The following CHRM2 variants were observed in gnomAD, a reference collection of about 807,000 sequenced individuals.
The protein encoded by CHRM2 is cholinergic receptor muscarinic 2, also known as muscarinic acetylcholine receptor M2.
CHRM2 carries 8 observed loss-of-function variants against 25.0 expected under a neutral mutation model. The ratio of observed to expected loss-of-function variants is 0.32; its 90% CI spans 0.19 to 0.58. The LOEUF (loss-of-function observed/expected upper bound fraction) is 0.58. Among genes scored for constraint, CHRM2 ranks in the 20% least tolerant of loss-of-function variants. The pLI is 0.88. For missense variants in CHRM2, 440 were observed against 567.1 expected, an observed-to-expected ratio of 0.78 and a Z score of 2.28; for synonymous variants, 202 against 205.7, an observed-to-expected ratio of 0.98 and a Z score of 0.15.
chr7:136,958,716 C>A (rs1486028555), intron 2 of CHRM2, among the ~76,000 whole-genome samples: 2 of 152,112 alleles, frequency 1.3e-5, no homozygotes, highest in Non-Finnish European at 2.9e-5. Flanking sequence ...CTCAGCCTCC[C>A]ACAGTGCTGG....
intron 2 of CHRM2, among the ~76,000 whole-genome samples, chr7:136,896,137 T>C (rs1796890805): frequency 6.6e-6 from 1 of 152,102 alleles, no homozygotes; most frequent in African/African-American, 2.4e-5. Context: ...ATAATAACAA[T>C]AGTAGACTTG....
chr7:136,990,861 G>A (rs1180240843), intron 2 of CHRM2, among the ~76,000 whole-genome samples: 3 of 152,028 alleles, frequency 2.0e-5, no homozygotes, highest in Non-Finnish European at 4.4e-5. Flanking sequence ...TGTTTCTCTC[G>A]CCCCACAACC....
chr7:137,000,480 G>T (rs1584904049), intron 3 of CHRM2, among the ~76,000 whole-genome samples: 1 of 148,678 alleles, frequency 6.7e-6, no homozygotes, highest in Non-Finnish European at 1.5e-5. Flanking sequence ...GATTACAGGT[G>T]TGAGCCACCG....
intron 2 of CHRM2, among the ~76,000 whole-genome samples, chr7:136,987,668 G>A (rs1308660911): frequency 2.6e-5 from 4 of 152,192 alleles, no homozygotes. Flanking sequence ...TGACAAATGG[G>A]TGAACTATAC....
rs369349147 is a variant in CHRM2 at position 136,991,184 on chromosome 7, T to C, written c.-124-1003T>C. On this transcript the variant is annotated intron_variant, in intron 2 of 3. Coordinates refer to ENST00000680005, the MANE Select transcript of CHRM2 (RefSeq NM_001006630.2). ...ATTTCATGGATTGCCTTTGGTGTTG[T>C]ATTTTAAAAGTCATCACCATACCCA... is the stretch of plus-strand genomic sequence containing the variant. 7.7e-4 allele frequency among the ~76,000 whole-genome samples: 117 copies of C among 152,282 alleles called. 4 individuals carry two copies. The South Asian group carries it at 0.024, about 31-fold the overall frequency.
chr7:137,002,294 T>A lies in CHRM2; in HGVS notation c.-47+10030T>A, dbSNP rs114324833. ...GTTACAAATTAACTTTATGCATATTTATAGATCATGCTCTAAGCACTCAAA... is the reference window on the plus strand; with the variant it reads ...GTTACAAATTAACTTTATGCATATTAATAGATCATGCTCTAAGCACTCAAA... On this transcript the variant is annotated intron_variant, in intron 3 of 3. Coordinates refer to ENST00000680005, the MANE Select transcript of CHRM2 (RefSeq NM_001006630.2). Among the ~76,000 whole-genome samples, 1,259 of 152,312 alleles carry A rather than the reference T, an allele frequency of 8.3e-3. 18 individuals carry two copies. The highest frequency in any genetic ancestry group is 0.029 in the African/African-American group (1,197 of 41,580).
At chr7:136,884,277 T>C (rs1393296999) in intron 2 of CHRM2, among the ~76,000 whole-genome samples, 2 of 152,150 alleles carry the variant, frequency 1.3e-5, no homozygotes, top group African/African-American at 4.8e-5. Context: ...AGGAAACTGT[T>C]GTCACGTTGA....
chr7:136,916,573 A>G (rs1798124170), intron 2 of CHRM2, among the ~76,000 whole-genome samples: 1 of 151,350 alleles, frequency 6.6e-6, no homozygotes, highest in Non-Finnish European at 1.5e-5. Flanking sequence ...TCCGCTTCAA[A>G]GTTTATATTG....
intron 2 of CHRM2, among the ~76,000 whole-genome samples, chr7:136,971,652 G>A (rs1470579751): frequency 6.7e-6 from 1 of 150,104 alleles, no homozygotes; most frequent in Non-Finnish European, 1.5e-5. Context: ...TGCTGGAGGA[G>A]TTTAGTGAAA....
chr7:136,981,932 G>T (rs1275326081), intron 2 of CHRM2, among the ~76,000 whole-genome samples: 3 of 152,070 alleles, frequency 2.0e-5, no homozygotes, highest in Non-Finnish European at 4.4e-5. Context: ...CTGTTGATTT[G>T]GGGTGGAGAG....
intron 2 of CHRM2, among the ~76,000 whole-genome samples, chr7:136,957,065 T>C (rs1324767391): frequency 6.6e-6 from 1 of 152,186 alleles, no homozygotes; most frequent in African/African-American, 2.4e-5. Context: ...TTGACAATCC[T>C]CTTGGATGAC....
chr7:136,943,747 A>G (rs1212892350), intron 2 of CHRM2, among the ~76,000 whole-genome samples: 1 of 152,236 alleles, frequency 6.6e-6, no homozygotes, highest in African/African-American at 2.4e-5. Flanking sequence ...GAAATTCAAC[A>G]GGAGAATAGA....
At chr7:137,013,779 T>C (rs1200010990) in intron 3 of CHRM2, among the ~76,000 whole-genome samples, 1 of 152,016 alleles carries the variant, frequency 6.6e-6, no homozygotes, top group Non-Finnish European at 1.5e-5. Flanking sequence ...TCAACCCATG[T>C]CTGCCACCAG....
intron 2 of CHRM2, among the ~76,000 whole-genome samples, chr7:136,957,287 A>G (rs539945882): frequency 4.6e-5 from 7 of 152,320 alleles, no homozygotes; most frequent in African/African-American, 1.7e-4. Flanking sequence ...GTGCACATGC[A>G]CACATGTATG....
chr7:136,909,921 G>GTTTGTTATAACAACAAA, intron 2 of CHRM2, among the ~76,000 whole-genome samples: 1 of 151,690 alleles, frequency 6.6e-6, no homozygotes, highest in South Asian at 2.1e-4. Flanking sequence ...ACAAACAATG[G>GTTTGTTATAACAACAAA]GTGAAAAAGT....
intron 2 of CHRM2, among the ~76,000 whole-genome samples, chr7:136,949,636 T>C (rs1049260364): frequency 6.6e-6 from 1 of 151,938 alleles, no homozygotes; most frequent in Admixed American, 6.6e-5. Flanking sequence ...TTGAAAAGAA[T>C]TCCCATCTGG....
chr7:136,897,713 A>G (rs1796981701), intron 2 of CHRM2, among the ~76,000 whole-genome samples: 1 of 151,936 alleles, frequency 6.6e-6, no homozygotes, highest in African/African-American at 2.4e-5. Context: ...AAAAAGACAG[A>G]CATGGATTTT....
At chr7:136,879,665 T>G (rs1796185164) in intron 2 of CHRM2, among the ~76,000 whole-genome samples, 1 of 151,992 alleles carries the variant, frequency 6.6e-6, no homozygotes, top group Non-Finnish European at 1.5e-5. Flanking sequence ...ATTAAAGTGA[T>G]AATTACTCCT....
At chr7:137,003,014 T>C (rs1169745262) in intron 3 of CHRM2, among the ~76,000 whole-genome samples, 1 of 152,140 alleles carries the variant, frequency 6.6e-6, no homozygotes, top group Non-Finnish European at 1.5e-5. Flanking sequence ...GGTCAACAAA[T>C]TTAAGCTCAC....
Sources: gnomAD v4.1 joint callset for allele counts (sites outside exome capture counted in the v4.1 genomes callset) on GRCh38, gnomAD v4.1.1 for gene constraint, MANE v1.5 for transcripts, NCBI Gene and HGNC (gene_info 2026-07-23, HGNC 2026-07-21) for gene names.